The following NFIB variants were observed in gnomAD, a reference collection of about 807,000 sequenced individuals.
NFIB encodes nuclear factor 1 B-type.
NFIB carries 11 observed loss-of-function variants against 61.5 expected under a neutral mutation model. The observed-to-expected ratio is 0.18, with a 90% CI of 0.11 to 0.30. The LOEUF is 0.30. Among genes scored for constraint, NFIB ranks in the 10% least tolerant of loss-of-function variants. The pLI, the probability that NFIB is intolerant of heterozygous loss-of-function variation, is 1.00. For missense variants in NFIB, 471 were observed against 608.9 expected (o/e 0.77, Z 2.38); for synonymous variants, 260 against 216.5 (o/e 1.20, Z -1.76).
intron 2 of NFIB, among the ~76,000 whole-genome samples, chr9:14,282,368 T>TA (rs34890515): frequency 0.04 from 6,149 of 152,262 alleles, 181 homozygotes; most frequent in Non-Finnish European, 0.065. Context: ...TGTTCTCAGA[T>TA]AAAAAATCGT....
At chr9:14,299,704 G>A (rs2059646144) in intron 2 of NFIB, among the ~76,000 whole-genome samples, 1 of 152,096 alleles carries the variant, frequency 6.6e-6, no homozygotes, top group Non-Finnish European at 1.5e-5. Flanking sequence ...TATAGTCCTT[G>A]TTCAGAGATC....
At chr9:14,383,674 C>T (rs926693863) in intron 1 of NFIB, among the ~76,000 whole-genome samples, 11 of 152,136 alleles carry the variant, frequency 7.2e-5, no homozygotes, top group African/African-American at 2.2e-4. Flanking sequence ...GCATCATGCC[C>T]GACCATAAGA....
chr9:14,112,803 A>G (rs2037570171), intron 10 of NFIB, among the ~76,000 whole-genome samples, 196 bp downstream of exon 10: 1 of 152,188 alleles, frequency 6.6e-6, no homozygotes, highest in Non-Finnish European at 1.5e-5. Flanking sequence ...AAAGGTCATG[A>G]GCCAATTTGA....
intron 2 of NFIB, among the ~76,000 whole-genome samples, chr9:14,267,886 A>C (rs1405102354): frequency 3.3e-5 from 5 of 152,204 alleles, no homozygotes; most frequent in Non-Finnish European, 7.3e-5. Context: ...TAATCCCAGC[A>C]CTTTGGGAGG....
At chr9:14,417,797 T>TTGG in the NFIB span, among the ~76,000 whole-genome samples, 1 of 146,774 alleles carries the variant, frequency 6.8e-6, no homozygotes, top group African/African-American at 2.6e-5. Context: ...TTTTTTTTTT[T>TTGG]GAGACGGAGT....
At chr9:14,453,384 C>T in the NFIB span, among the ~76,000 whole-genome samples, 1 of 152,200 alleles carries the variant, frequency 6.6e-6, no homozygotes, top group Non-Finnish European at 1.5e-5. Flanking sequence ...TATGATGTTC[C>T]CTTAATACTT....
intron 1 of NFIB, among the ~76,000 whole-genome samples, chr9:14,356,168 A>G (rs1048102006): frequency 1.3e-5 from 2 of 152,144 alleles, no homozygotes; most frequent in Non-Finnish European, 2.9e-5. Flanking sequence ...GTGAGACACT[A>G]GTACGCACTT....
At chr9:14,239,077 C>T (rs969414659) in intron 2 of NFIB, among the ~76,000 whole-genome samples, 9 of 152,138 alleles carry the variant, frequency 5.9e-5, no homozygotes, top group East Asian at 1.9e-4. Context: ...CAAGAGCAGT[C>T]GGTAATATGC....
the NFIB span, among the ~76,000 whole-genome samples, chr9:14,458,318 C>G: frequency 6.6e-6 from 1 of 152,088 alleles, no homozygotes. Context: ...ATTCAACTGC[C>G]CTTCATGCTA....
In NFIB at chr9:14,251,157, T is replaced by C. The variant is rs150495485; in HGVS notation, c.562+55832A>G. 7.4e-3 allele frequency among the ~76,000 whole-genome samples: 1,124 copies of C among 152,334 alleles called. 14 individuals carry two copies. Among genetic ancestry groups the C allele is most frequent in the African/African-American group, 0.025 (1,039 of 41,572 alleles). On this transcript the variant is annotated intron_variant, in intron 2 of 10. Transcript: ENST00000380953. ...TTTGAAACATACATACAAAGAACTT[T>C]ACGGTGTTTTTCCTTGCCTTTGGGT...
chr9:14,287,627 G>A (rs2058804426), intron 2 of NFIB, among the ~76,000 whole-genome samples: 2 of 151,694 alleles, frequency 1.3e-5, no homozygotes, highest in Admixed American at 1.3e-4. Context: ...GTTTCACCAT[G>A]GCCAGGCTGG....
chr9:14,519,303 T>A, the NFIB span, among the ~76,000 whole-genome samples: 1 of 151,950 alleles, frequency 6.6e-6, no homozygotes, highest in African/African-American at 2.4e-5. Context: ...CTAAGTAAGA[T>A]TGGATCTCTG....
At chr9:14,454,658 A>G in the NFIB span, among the ~76,000 whole-genome samples, 1 of 152,142 alleles carries the variant, frequency 6.6e-6, no homozygotes, top group East Asian at 1.9e-4. Context: ...CATCAGTTCT[A>G]TATTTGCCTT....
At chr9:14,316,811 CT>C (rs2060553686), upstream of NFIB, among the ~76,000 whole-genome samples, 1 of 152,158 alleles carries the variant, frequency 6.6e-6, no homozygotes. Context: ...ATAATACCAG[CT>C]TTAACTACTG....
intron 2 of NFIB, among the ~76,000 whole-genome samples, chr9:14,265,896 T>C (rs148797936): frequency 1.1e-4 from 16 of 152,270 alleles, no homozygotes; most frequent in Admixed American, 4.6e-4. Flanking sequence ...CAAGAGTCCA[T>C]AGGGGGAACA....
At chr9:14,401,837 C>A (rs1427610440), upstream of NFIB, among the ~76,000 whole-genome samples, 6 of 152,114 alleles carry the variant, frequency 3.9e-5, no homozygotes, top group Admixed American at 3.9e-4. Flanking sequence ...CCAGAACAAT[C>A]CCTAATGTGC....
chr9:14,309,814 G>C (rs1000146525), intron 1 of NFIB, among the ~76,000 whole-genome samples: 1 of 152,146 alleles, frequency 6.6e-6, no homozygotes, highest in Non-Finnish European at 1.5e-5. Context: ...CTTTTACTAC[G>C]ATTTATTGAT....
chr9:14,196,769 G>A (rs1291489967), intron 2 of NFIB, among the ~76,000 whole-genome samples: 2 of 150,840 alleles, frequency 1.3e-5, no homozygotes, highest in East Asian at 3.9e-4. Context: ...ACCTTAAAAA[G>A]AAAAATCAGA....
intron 2 of NFIB, among the ~76,000 whole-genome samples, chr9:14,278,351 G>C (rs1218797591): frequency 6.6e-6 from 1 of 152,174 alleles, no homozygotes; most frequent in Non-Finnish European, 1.5e-5. Context: ...GTCGTGCGAA[G>C]CTACAGAAAG....
Sources: allele counts gnomAD v4.1 joint callset (sites outside exome capture counted in the v4.1 genomes callset), GRCh38; gene constraint gnomAD v4.1.1; transcripts MANE v1.5; gene names NCBI Gene and HGNC (gene_info 2026-07-23, HGNC 2026-07-21).